Variants in ABHD12B observed in about 807,000 individuals in gnomAD.
The protein encoded by ABHD12B is protein ABHD12B.
In ABHD12B, 42 loss-of-function variants were observed where a neutral mutation model predicts 50.4. That is an observed-to-expected ratio of 0.83 (90% CI 0.65 to 1.08). ABHD12B has a LOEUF of 1.08. Among genes scored for constraint, ABHD12B ranks in the 50% least tolerant of loss-of-function variants. ABHD12B has a pLI of 0.00. For synonymous variants in ABHD12B, 167 were observed against 160.3 expected (o/e 1.04, Z -0.32); for missense variants, 479 against 447.7 (o/e 1.07, Z -0.63).
chr14:50,874,774 C>T (rs2049837587), intron 1 of ABHD12B, among the ~76,000 whole-genome samples: 2 of 152,086 alleles, frequency 1.3e-5, no homozygotes, highest in Non-Finnish European at 1.5e-5. Flanking sequence ...TCATTCTTTC[C>T]ACAGCGTTGG....
chr14:50,891,386 G>A (rs1406414781), intron 9 of ABHD12B: 1 of 152,212 alleles, frequency 6.6e-6, no homozygotes, highest in Non-Finnish European at 1.5e-5. Flanking sequence ...GGGACTACAG[G>A]CGCCCGCCAC....
In ABHD12B at chr14:50,877,969, G is replaced by C. The variant is rs1021005803; in HGVS notation, c.122G>C (p.Cys41Ser). ...DRNLRYFPHSCSMLGRKIAAL... is the reference protein window; with the variant it reads ...DRNLRYFPHSSSMLGRKIAAL... ...CCTTGCAGATATTTTCCACACTCCT[G>C]TTCAATGCTCGGAAGAAAAATTGCT... The change falls in exon 2 of 13, where the codon TGT (cysteine) becomes TCT (serine). Residue 41 changes from cysteine (C) to serine (S), a missense_variant. Cys to Ser is a moderately radical substitution (Grantham distance 112). Coordinates refer to ENST00000337334, the MANE Select transcript of ABHD12B (RefSeq NM_001206673.2). 6 of 1,533,158 alleles carry C rather than the reference G, an allele frequency of 3.9e-6. No homozygotes were observed. In the East Asian group the frequency reaches 1.5e-4, roughly 37 times the overall value. The allele number at this position is 1,533,158 out of a possible 1,614,324, so 95.0% of individuals were successfully genotyped here.
chr14:50,896,663 C>A (rs145545595), intron 9 of ABHD12B, among the ~76,000 whole-genome samples: 1 of 150,706 alleles, frequency 6.6e-6, no homozygotes, highest in Non-Finnish European at 1.5e-5. Flanking sequence ...GAAGCTCCCC[C>A]ACTGAGCACC....
chr14:50,891,958 A>G (rs1426846299), intron 9 of ABHD12B: 1 of 152,212 alleles, frequency 6.6e-6, no homozygotes, highest in Non-Finnish European at 1.5e-5. Context: ...ATCTGGTTGT[A>G]TAAGTTCCTC....
chr14:50,897,872 C>T (rs1019614631), intron 9 of ABHD12B, among the ~76,000 whole-genome samples: 8 of 152,178 alleles, frequency 5.3e-5, no homozygotes, highest in African/African-American at 9.7e-5. Flanking sequence ...TGTTCCTTTC[C>T]GTCCCTCTTT....
At chr14:50,880,623 GC>G in intron 4 of ABHD12B, 52 bp downstream of exon 4, 1 of 1,478,834 alleles carries the variant, frequency 6.8e-7, no homozygotes, top group South Asian at 1.4e-5. Context: ...GAGCATTTCA[GC>G]CCCATGGGGG....
At position 50,882,189 on chromosome 14, in the gene ABHD12B, G is replaced by A. The variant is rs8021334; in HGVS notation, c.486+563G>A. Among the ~76,000 whole-genome samples the A allele has an allele frequency of 7.1e-3, 1,052 of 148,448 alleles. 9 individuals carry two copies. Among genetic ancestry groups the A allele is most frequent in the African/African-American group, 0.024 (976 of 40,332 alleles). On this transcript the variant is annotated intron_variant, in intron 5 of 12. Coordinates refer to ENST00000337334, the MANE Select transcript of ABHD12B (RefSeq NM_001206673.2). ...GATCTCAGGTGATCCACCCACCTCCGCCTCCCAAAGTGCTGGGATTACAGG... is the reference window on the plus strand; with the variant it reads ...GATCTCAGGTGATCCACCCACCTCCACCTCCCAAAGTGCTGGGATTACAGG...
At chr14:50,880,308 T>C in intron 3 of ABHD12B, 144 bp from the exon 4 acceptor site, 1 of 882,188 alleles carries the variant, frequency 1.1e-6, no homozygotes, top group East Asian at 3.4e-5. Flanking sequence ...TTTGTGGTGT[T>C]AGATTTTTAT....
intron 1 of ABHD12B, among the ~76,000 whole-genome samples, chr14:50,875,655 G>A (rs996484398): frequency 1.3e-5 from 2 of 152,162 alleles, no homozygotes; most frequent in African/African-American, 4.8e-5. Context: ...ATTAGCCACT[G>A]GTGACTTTTG....
rs1450521103 is a variant in ABHD12B, at chr14:50,886,031, A to T, written c.662+136A>T. On this transcript the variant is annotated intron_variant, in intron 7 of 12. Transcript: ENST00000337334. ...TTGCTGATCATTTTCACACACTAGA[A>T]GTGGCTGAAGATCTTGCCATCTTAC... 1.2e-5 allele frequency: 15 copies of T among 1,276,772 alleles called. No individual in the cohort carries two copies. The Admixed American group carries it at 3.0e-4, about 25-fold the overall frequency. The allele number at this position is 1,276,772 out of a possible 1,614,324, so 79.1% of individuals were successfully genotyped here. A position where few individuals can be genotyped will look rare whatever the true frequency, so the allele number is the denominator to read the frequency against.
intron 1 of ABHD12B, among the ~76,000 whole-genome samples, chr14:50,876,293 C>G (rs535444688): frequency 5.3e-5 from 8 of 152,328 alleles, no homozygotes; most frequent in African/African-American, 1.7e-4. Flanking sequence ...TTTTCCACTT[C>G]TTGCAGAACT....
intron 2 of ABHD12B, among the ~76,000 whole-genome samples, chr14:50,878,363 C>A (rs1033491544): frequency 8.5e-5 from 13 of 152,184 alleles, no homozygotes; most frequent in African/African-American, 3.1e-4. Context: ...CTGGACATTT[C>A]TTGCCTTTTG....
intron 8 of ABHD12B, 29 bp from the exon 9 acceptor site, chr14:50,888,795 A>ATTTCTTTC (rs761427396): frequency 6.4e-7 from 1 of 1,574,426 alleles, no homozygotes; most frequent in South Asian, 1.1e-5. Context: ...GGAGTTACTG[A>ATTTCTTTC]TTTCTTTCTT....
chr14:50,885,721 CA>C, intron 6 of ABHD12B, 44 bp from the exon 7 acceptor site: 1 of 1,614,184 alleles, frequency 6.2e-7, no homozygotes, highest in Non-Finnish European at 8.5e-7. Context: ...GATGACCCCT[CA>C]TTTTGAAGGC....
chr14:50,877,183 T>G (rs2049875255), intron 1 of ABHD12B, among the ~76,000 whole-genome samples: 1 of 152,212 alleles, frequency 6.6e-6, no homozygotes, highest in Non-Finnish European at 1.5e-5. Flanking sequence ...GGATCTCATC[T>G]CAGAAGTGGG....
intron 1 of ABHD12B, among the ~76,000 whole-genome samples, chr14:50,873,222 CTTT>C (rs369236270): frequency 6.7e-6 from 1 of 148,536 alleles, no homozygotes; most frequent in Admixed American, 6.7e-5. Flanking sequence ...CTCTCTCTCT[CTTT>C]TTTTTTTCTT....
At chr14:50,881,014 A>T (rs1285783593) in intron 4 of ABHD12B, among the ~76,000 whole-genome samples, 1 of 152,174 alleles carries the variant, frequency 6.6e-6, no homozygotes, top group Non-Finnish European at 1.5e-5. Flanking sequence ...ATGACTCCTT[A>T]AGAGAGGTCA....
At chr14:50,886,833 T>C (rs2050045465) in intron 8 of ABHD12B, 149 bp downstream of exon 8, 1 of 628,378 alleles carries the variant, frequency 1.6e-6, no homozygotes. Flanking sequence ...GGCTTTCTTT[T>C]TGATCTCCCT....
chr14:50,881,010 C>T (rs1436256526), intron 4 of ABHD12B, among the ~76,000 whole-genome samples: 2 of 152,132 alleles, frequency 1.3e-5, no homozygotes, highest in African/African-American at 4.8e-5. Context: ...AAATATGACT[C>T]CTTAAGAGAG....
Sources: gnomAD v4.1 joint callset for allele counts (sites outside exome capture counted in the v4.1 genomes callset) on GRCh38, gnomAD v4.1.1 for gene constraint, MANE v1.5 for transcripts, NCBI Gene and HGNC (gene_info 2026-07-23, HGNC 2026-07-21) for gene names.